The following DNAH14 variants were observed in gnomAD, a reference collection of about 807,000 sequenced individuals.
DNAH14 encodes the protein dynein axonemal heavy chain 14.
DNAH14 carries 478 observed loss-of-function variants against 520.9 expected under a neutral mutation model. The ratio of observed to expected loss-of-function variants is 0.92; its 90% CI spans 0.85 to 0.99. DNAH14 has a LOEUF of 0.99. Among genes scored for constraint, DNAH14 ranks in the 50% least tolerant of loss-of-function variants. The pLI is 0.00. For synonymous variants in DNAH14, 1,581 were observed against 1,757.2 expected (o/e 0.90, Z 2.51); for missense variants, 4,831 against 5,234.5 (o/e 0.92, Z 2.38).
chr1:225,086,682 C>T (rs1195396078), intron 21 of DNAH14, among the ~76,000 whole-genome samples: 4 of 151,306 alleles, frequency 2.6e-5, no homozygotes, highest in Admixed American at 1.3e-4. Context: ...AAAAATAAAC[C>T]AAATGGACTT....
intron 36 of DNAH14, among the ~76,000 whole-genome samples, chr1:225,175,177 T>C (rs1191512790): frequency 1.3e-5 from 2 of 152,182 alleles, no homozygotes; most frequent in Non-Finnish European, 2.9e-5. Flanking sequence ...ATCAGAGTAA[T>C]GCCAGCTTCA....
chr1:225,254,879 G>T (rs2092684014), intron 44 of DNAH14, among the ~76,000 whole-genome samples: 1 of 152,176 alleles, frequency 6.6e-6, no homozygotes, highest in African/African-American at 2.4e-5. Context: ...CAAACCTATT[G>T]TTTCAACTCA....
chr1:225,135,633 A>G (rs2078884717), intron 27 of DNAH14, among the ~76,000 whole-genome samples: 1 of 152,138 alleles, frequency 6.6e-6, no homozygotes, highest in African/African-American at 2.4e-5. Context: ...AGAAGAGTCT[A>G]TATTCTGCTG....
intron 64 of DNAH14, among the ~76,000 whole-genome samples, 168 bp downstream of exon 64, chr1:225,325,000 T>C (rs1250283103): frequency 6.6e-6 from 1 of 151,710 alleles, no homozygotes; most frequent in Non-Finnish European, 1.5e-5. Context: ...ATTAATAATA[T>C]ATATAAAACT....
intron 23 of DNAH14, among the ~76,000 whole-genome samples, chr1:225,113,199 G>T (rs2076609124): frequency 6.6e-6 from 1 of 152,154 alleles, no homozygotes; most frequent in Admixed American, 6.5e-5. Flanking sequence ...TCATTAGGGA[G>T]TACCCAAAGC....
intron 1 of DNAH14, among the ~76,000 whole-genome samples, chr1:224,939,133 T>C (rs1317721441): frequency 6.6e-6 from 1 of 152,202 alleles, no homozygotes; most frequent in Non-Finnish European, 1.5e-5. Flanking sequence ...TTTACCTCAT[T>C]AAAAAAGAGA....
chr1:225,108,895 G>A (rs1348630026), intron 23 of DNAH14, among the ~76,000 whole-genome samples: 2 of 152,278 alleles, frequency 1.3e-5, no homozygotes, highest in Non-Finnish European at 2.9e-5. Flanking sequence ...TTTTGTATAT[G>A]GCGAAAGATA....
At chr1:225,342,683 AACACACACACACAC>A (rs10572962) in intron 69 of DNAH14, among the ~76,000 whole-genome samples, 139 of 148,094 alleles carry the variant, frequency 9.4e-4, no homozygotes, top group African/African-American at 2.9e-3. Context: ...ATTTCTCATA[AACACACACACACAC>A]ACACACACAC....
intron 1 of DNAH14, among the ~76,000 whole-genome samples, chr1:224,939,688 AC>A (rs1172223486): frequency 3.9e-5 from 6 of 152,132 alleles, no homozygotes; most frequent in South Asian, 2.1e-4. Context: ...CATCTCAACA[AC>A]AAAAAAAACT....
At chr1:225,252,811 G>C (rs1189691182) in intron 44 of DNAH14, among the ~76,000 whole-genome samples, 1 of 152,066 alleles carries the variant, frequency 6.6e-6, no homozygotes, top group Non-Finnish European at 1.5e-5. Context: ...ATGCTAATTA[G>C]AAAAGAATAA....
chr1:225,301,284 T>C (rs2094134612), intron 56 of DNAH14, among the ~76,000 whole-genome samples: 1 of 152,090 alleles, frequency 6.6e-6, no homozygotes, highest in Non-Finnish European at 1.5e-5. Context: ...AAATGAAAAA[T>C]AAAATCCCAA....
chr1:225,255,968 G>C (rs1047021924), intron 44 of DNAH14, among the ~76,000 whole-genome samples: 3 of 152,006 alleles, frequency 2.0e-5, no homozygotes, highest in African/African-American at 7.3e-5. Flanking sequence ...CTACTTAAGG[G>C]GAAATACTTG....
chr1:225,248,702 C>T (rs991427305), intron 43 of DNAH14, among the ~76,000 whole-genome samples: 18 of 151,964 alleles, frequency 1.2e-4, no homozygotes, highest in Non-Finnish European at 2.6e-4. Context: ...ACTCAGATCT[C>T]GGGAAGGAAA....
intron 21 of DNAH14, among the ~76,000 whole-genome samples, chr1:225,090,585 A>G (rs369300971): frequency 6.6e-6 from 1 of 152,272 alleles, no homozygotes; most frequent in East Asian, 1.9e-4. Flanking sequence ...TGGACAACTG[A>G]TTTTCAACAA....
At chr1:225,156,489 A>G (rs2081051661) in intron 34 of DNAH14, among the ~76,000 whole-genome samples, 2 of 152,076 alleles carry the variant, frequency 1.3e-5, no homozygotes, top group Non-Finnish European at 2.9e-5. Context: ...TGTTCCGTCA[A>G]ATTACAGGAA....
chr1:225,098,846 GT>G (rs1210365813), intron 22 of DNAH14, among the ~76,000 whole-genome samples: 2 of 152,158 alleles, frequency 1.3e-5, no homozygotes, highest in Non-Finnish European at 2.9e-5. Flanking sequence ...ATTTTCTGAA[GT>G]TGAAAAAGAT....
intron 43 of DNAH14, among the ~76,000 whole-genome samples, chr1:225,247,393 T>TA (rs1020347029): frequency 7.3e-5 from 11 of 151,474 alleles, no homozygotes; most frequent in African/African-American, 1.7e-4. Flanking sequence ...TAAAGAATAA[T>TA]AAAAAAAATA....
chr1:225,127,029 T>G (rs1381398170), intron 27 of DNAH14, among the ~76,000 whole-genome samples: 1 of 151,342 alleles, frequency 6.6e-6, no homozygotes, highest in Non-Finnish European at 1.5e-5. Context: ...TGAGTGAGTT[T>G]CTTAATCCTG....
Position 225,399,037 on chromosome 1 carries a change from T to A in DNAH14, c.13639-17T>A. ...GAACTATGCAATTTGACTACTGGAT[T>A]TTTTTTTTTTTTAAAGATTTCTACC... On this transcript the variant is annotated splice_polypyrimidine_tract_variant and intron_variant, in intron 85 of 85. Coordinates refer to ENST00000682510, the MANE Select transcript of DNAH14 (RefSeq NM_001367479.1). 7.1e-7 allele frequency: 1 copy of A among 1,408,246 alleles called. No individual in the cohort carries two copies. Among genetic ancestry groups the A allele is most frequent in the Non-Finnish European group, 9.6e-7 (1 of 1,041,810 alleles). 87.2% of individuals were successfully genotyped at this position (1,408,246 alleles called of 1,614,324 possible). A position where few individuals can be genotyped will look rare whatever the true frequency, so the allele number is the denominator to read the frequency against.
Sources: gnomAD v4.1 joint callset for allele counts (sites outside exome capture counted in the v4.1 genomes callset) on GRCh38, gnomAD v4.1.1 for gene constraint, MANE v1.5 for transcripts, NCBI Gene and HGNC (gene_info 2026-07-23, HGNC 2026-07-21) for gene names.